MTA3: variants seen among roughly 807,000 people sequenced by gnomAD.
The protein encoded by MTA3 is metastasis associated 1 family member 3.
MTA3 carries 34 observed loss-of-function variants against 83.5 expected under a neutral mutation model. The ratio of observed to expected loss-of-function variants is 0.41; its 90% CI spans 0.31 to 0.54. MTA3 has a LOEUF of 0.54. MTA3 is among the 20% of genes least tolerant of loss of function. MTA3 has a pLI of 0.33. For synonymous variants in MTA3, 303 were observed against 252.7 expected (o/e 1.20, Z -1.89); for missense variants, 761 against 726.4 (o/e 1.05, Z -0.55).
At chr2:42,532,913 T>G (rs1676044268) in intron 2 of MTA3, 3 of 278,258 alleles carry the variant, frequency 1.1e-5, no homozygotes, top group African/African-American at 6.8e-5. Context: ...ACCATTTTCC[T>G]TCACGCGCTT....
At chr2:42,613,002 C>G (rs984796939) in intron 4 of MTA3, among the ~76,000 whole-genome samples, 3 of 152,174 alleles carry the variant, frequency 2.0e-5, no homozygotes, top group African/African-American at 7.2e-5. Context: ...CTCCTGATAG[C>G]TTGAAATCTG....
chr2:42,538,734 A>G (rs1676375584), intron 2 of MTA3, among the ~76,000 whole-genome samples: 2 of 148,830 alleles, frequency 1.3e-5, no homozygotes, highest in Non-Finnish European at 3.0e-5. Flanking sequence ...AAAGAAAAAG[A>G]AAAGAAAAGA....
intron 8 of MTA3, among the ~76,000 whole-genome samples, chr2:42,675,977 C>G (rs1288291934): frequency 2.6e-5 from 4 of 152,198 alleles, no homozygotes; most frequent in Non-Finnish European, 5.9e-5. Context: ...GGAATTATTT[C>G]CTAGTAACTC....
intron 12 of MTA3, among the ~76,000 whole-genome samples, chr2:42,705,217 A>T (rs529006879): frequency 1.2e-4 from 19 of 152,324 alleles, no homozygotes; most frequent in Admixed American, 4.6e-4. Flanking sequence ...GGATGTGTTT[A>T]ACCATTTTTT....
At position 42,577,207 on chromosome 2, in the gene MTA3, G is replaced by A. The variant is rs189884081; in HGVS notation, c.97-1900G>A. 3.1e-3 allele frequency among the ~76,000 whole-genome samples: 452 copies of A among 148,154 alleles called. 2 individuals are homozygous for A. The highest frequency in any genetic ancestry group is 0.011 in the African/African-American group (438 of 40,052). ...CTCATTTCATTAAATGCCATTAACA[G>A]TTGCAGACTGGCACTGGGCTGTAGA... is the stretch of plus-strand genomic sequence containing the variant. On this transcript the variant is annotated intron_variant, in intron 2 of 16. Coordinates refer to ENST00000405094, the MANE Select transcript of MTA3 (RefSeq NM_001330442.2).
chr2:42,514,330 A>G (rs1197292608), intron 2 of MTA3, among the ~76,000 whole-genome samples: 1 of 152,202 alleles, frequency 6.6e-6, no homozygotes, highest in Non-Finnish European at 1.5e-5. Flanking sequence ...GATGCTTGTA[A>G]AAAATACATA....
intron 15 of MTA3, among the ~76,000 whole-genome samples, 169 bp from the exon 16 acceptor site, chr2:42,722,720 C>CTT (rs1420939589): frequency 7.9e-5 from 12 of 152,144 alleles, no homozygotes; most frequent in Non-Finnish European, 1.5e-4. Flanking sequence ...ATAAGCAAAG[C>CTT]CATGGCAACA....
At chr2:42,590,033 C>T (rs1558466912) in intron 3 of MTA3, among the ~76,000 whole-genome samples, 1 of 152,174 alleles carries the variant, frequency 6.6e-6, no homozygotes, top group Non-Finnish European at 1.5e-5. Flanking sequence ...TGCTAGTTCT[C>T]AGGCAGATCA....
At position 42,756,938 on chromosome 2, in the gene MTA3, G is replaced by A. The variant is rs901278925; in HGVS notation, c.*3539G>A. 1 of 985,330 alleles carries A rather than the reference G, an allele frequency of 1.0e-6. No homozygotes were observed. Among genetic ancestry groups the A allele is most frequent in the African/African-American group, 1.7e-5 (1 of 57,196 alleles). The allele number at this position is 985,330 out of a possible 1,614,324, so 61.0% of individuals were successfully genotyped here. A position where few individuals can be genotyped will look rare whatever the true frequency, so the allele number is the denominator to read the frequency against. On this transcript the variant is annotated 3_prime_UTR_variant, in exon 17 of 17. Coordinates refer to ENST00000405094, the MANE Select transcript of MTA3 (RefSeq NM_001330442.2). ...TGTATTGTGTTTCCAATAAATTCCT[G>A]GAAATTTTGCCTGGTTTTATGCTGT...
At chr2:42,584,297 C>G (rs1244750997) in intron 3 of MTA3, among the ~76,000 whole-genome samples, 6 of 152,084 alleles carry the variant, frequency 3.9e-5, no homozygotes, top group Non-Finnish European at 5.9e-5. Context: ...ACTCGCTAGC[C>G]CATTATTTTG....
chr2:42,709,410 C>T (rs748562307), intron 14 of MTA3: 4 of 682,680 alleles, frequency 5.9e-6, no homozygotes, highest in Non-Finnish European at 8.1e-6. Flanking sequence ...CTTATTGAAG[C>T]ACTTTTACCT....
At chr2:42,707,629 A>G (rs1421697061) in intron 12 of MTA3, among the ~76,000 whole-genome samples, 1 of 152,180 alleles carries the variant, frequency 6.6e-6, no homozygotes, top group African/African-American at 2.4e-5. Flanking sequence ...CAACAAAACA[A>G]AAACTCCCTC....
intron 4 of MTA3, among the ~76,000 whole-genome samples, chr2:42,617,745 C>T (rs1488952742): frequency 6.6e-6 from 1 of 151,576 alleles, no homozygotes; most frequent in Non-Finnish European, 1.5e-5. Context: ...CATTTCACTC[C>T]AGCCTGGGCA....
intron 16 of MTA3, among the ~76,000 whole-genome samples, chr2:42,728,051 TTCTA>T (rs762101130): frequency 1.1e-4 from 17 of 152,202 alleles, no homozygotes; most frequent in East Asian, 3.8e-4. Flanking sequence ...ATCTTATTCA[TTCTA>T]TCTAACTATA....
At chr2:42,495,856 T>C (rs1674106244) in intron 2 of MTA3, among the ~76,000 whole-genome samples, 1 of 152,130 alleles carries the variant, frequency 6.6e-6, no homozygotes, top group Non-Finnish European at 1.5e-5. Flanking sequence ...TCTGTGAAGA[T>C]GAAGAAGGGT....
chr2:42,693,126 C>T lies in MTA3; in HGVS notation c.892-2639C>T, dbSNP rs185608498. On this transcript the variant is annotated intron_variant, in intron 9 of 16. Coordinates refer to ENST00000405094, the MANE Select transcript of MTA3 (RefSeq NM_001330442.2). Reference sequence around the variant, plus strand: ...TCTTCCCCTCCCCCTCCTTCCTTCTCTCCCCACACCCCGTCCCTTGAGCTA... The same window carrying T: ...TCTTCCCCTCCCCCTCCTTCCTTCTTTCCCCACACCCCGTCCCTTGAGCTA... Among the ~76,000 whole-genome samples the T allele has an allele frequency of 1.5e-4, 23 of 152,250 alleles. No homozygotes were observed. In the East Asian group the frequency reaches 4.3e-3, roughly 28 times the overall value.
At chr2:42,637,942 T>C (rs994177914) in intron 4 of MTA3, among the ~76,000 whole-genome samples, 2 of 152,190 alleles carry the variant, frequency 1.3e-5, no homozygotes, top group African/African-American at 4.8e-5. Flanking sequence ...GTCAAGGGAC[T>C]ATTAAAGACA....
At chr2:42,604,570 T>G (rs1455973201) in intron 3 of MTA3, among the ~76,000 whole-genome samples, 11 of 62,410 alleles carry the variant, frequency 1.8e-4, no homozygotes, top group Non-Finnish European at 3.0e-4. Context: ...TGAATGTTTC[T>G]TTTCTTTTTT....
chr2:42,575,919 A>G (rs573063098), intron 2 of MTA3, among the ~76,000 whole-genome samples: 3 of 152,296 alleles, frequency 2.0e-5, no homozygotes, highest in East Asian at 1.9e-4. Flanking sequence ...CATCCATGTA[A>G]TAGCGAGTTT....
Sources: gnomAD v4.1 joint callset for allele counts (sites outside exome capture counted in the v4.1 genomes callset) on GRCh38, gnomAD v4.1.1 for gene constraint, MANE v1.5 for transcripts, NCBI Gene and HGNC (gene_info 2026-07-23, HGNC 2026-07-21) for gene names.